The following CCDC171 variants were observed in gnomAD, a reference collection of about 807,000 sequenced individuals.
CCDC171 encodes the protein coiled-coil domain-containing protein 171.
In CCDC171, 177 loss-of-function variants were observed where a neutral mutation model predicts 168.2. The observed-to-expected ratio is 1.05, with a 90% CI of 0.93 to 1.19. The LOEUF is 1.19. Among genes scored for constraint, CCDC171 ranks in the 50% most tolerant of loss-of-function variants. CCDC171 has a pLI of 0.00. For missense variants in CCDC171, 1,991 were observed against 1,539.0 expected, an observed-to-expected ratio of 1.29 and a Z score of -4.91; for synonymous variants, 687 against 540.8, an observed-to-expected ratio of 1.27 and a Z score of -3.75.
intron 9 of CCDC171, among the ~76,000 whole-genome samples, chr9:15,670,146 T>A (rs188737507): frequency 1.3e-5 from 2 of 152,158 alleles, no homozygotes; most frequent in Admixed American, 6.6e-5. Flanking sequence ...TCCTTCTTGG[T>A]TGGGAGTTTA....
intron 23 of CCDC171, among the ~76,000 whole-genome samples, chr9:15,863,312 T>C (rs376808591): frequency 6.6e-6 from 1 of 152,028 alleles, no homozygotes; most frequent in African/African-American, 2.4e-5. Context: ...TGATTTCTTG[T>C]TGCCCAGGTT....
chr9:15,565,896 T>C (rs918815381), intron 2 of CCDC171, among the ~76,000 whole-genome samples: 4 of 152,244 alleles, frequency 2.6e-5, no homozygotes, highest in Non-Finnish European at 5.9e-5. Flanking sequence ...CTGTATCATA[T>C]AGTAAATTTA....
At chr9:15,787,340 A>T (rs904055961) in intron 21 of CCDC171, among the ~76,000 whole-genome samples, 1 of 152,128 alleles carries the variant, frequency 6.6e-6, no homozygotes, top group Non-Finnish European at 1.5e-5. Context: ...TGTCTAGCTG[A>T]AACTTTGTAC....
At chr9:15,612,323 T>C (rs901055860) in intron 6 of CCDC171, among the ~76,000 whole-genome samples, 1 of 152,170 alleles carries the variant, frequency 6.6e-6, no homozygotes, top group Admixed American at 6.5e-5. Context: ...CACTTGTCAG[T>C]TTGCTTTCTG....
chr9:15,717,493 C>T (rs759443228), intron 11 of CCDC171, among the ~76,000 whole-genome samples: 3 of 152,164 alleles, frequency 2.0e-5, no homozygotes, highest in African/African-American at 4.8e-5. Flanking sequence ...CCTAGTGAGA[C>T]ACCAGCGGGG....
chr9:15,988,806 C>G (rs192094414), intron 3 of CCDC171, among the ~76,000 whole-genome samples: 1 of 152,310 alleles, frequency 6.6e-6, no homozygotes, highest in Non-Finnish European at 1.5e-5. Context: ...CGGAGGGTCC[C>G]AAGCCCATGG....
chr9:15,578,333 C>T, intron 3 of CCDC171, among the ~76,000 whole-genome samples: 1 of 150,272 alleles, frequency 6.7e-6, no homozygotes. Context: ...CTCCCAGGCT[C>T]AAGCAATCCT....
intron 24 of CCDC171, 53 bp from the exon 25 acceptor site, chr9:15,920,217 C>G (rs1825129683): frequency 8.7e-7 from 1 of 1,154,392 alleles, no homozygotes; most frequent in Admixed American, 2.8e-5. Flanking sequence ...GGAAATTCTC[C>G]TTTGGGGACA....
At chr9:15,764,445 T>C (rs1158331506) in intron 18 of CCDC171, among the ~76,000 whole-genome samples, 2 of 152,152 alleles carry the variant, frequency 1.3e-5, no homozygotes, top group Non-Finnish European at 1.5e-5. Flanking sequence ...TGGAAATATT[T>C]TGAAGATAGA....
At chr9:15,626,403 G>T (rs1309769558) in intron 7 of CCDC171, among the ~76,000 whole-genome samples, 1 of 152,122 alleles carries the variant, frequency 6.6e-6, no homozygotes, top group Admixed American at 6.6e-5. Context: ...GTTTTCAAAG[G>T]GAATGCTTCC....
At chr9:15,584,996 C>T (rs563019148) in intron 4 of CCDC171, among the ~76,000 whole-genome samples, 11 of 152,120 alleles carry the variant, frequency 7.2e-5, no homozygotes, top group African/African-American at 1.7e-4. Flanking sequence ...AGGAAAAATG[C>T]GTAACCTCAC....
chr9:15,975,925 A>G (rs1831607101), downstream of CCDC171, among the ~76,000 whole-genome samples: 1 of 152,138 alleles, frequency 6.6e-6, no homozygotes, highest in African/African-American at 2.4e-5. Flanking sequence ...TGTGCTCTAA[A>G]TGCAATAGGA....
At chr9:16,065,791 C>A (rs1833983702), downstream of CCDC171, among the ~76,000 whole-genome samples, 1 of 144,834 alleles carries the variant, frequency 6.9e-6, no homozygotes, top group African/African-American at 2.7e-5. Context: ...CAGCACCCAC[C>A]TATGGGTTTG....
At chr9:16,068,502 G>A in the CCDC171 span, among the ~76,000 whole-genome samples, 4 of 152,134 alleles carry the variant, frequency 2.6e-5, no homozygotes, top group Admixed American at 6.5e-5. Flanking sequence ...TCAGTATACT[G>A]TGATGGCTAA....
chr9:15,889,413 T>G (rs9406556), intron 24 of CCDC171, among the ~76,000 whole-genome samples: 14,679 of 152,202 alleles, frequency 0.096, 926 homozygotes, highest in Non-Finnish European at 0.14. Flanking sequence ...TTTTTGCTTA[T>G]AGAGAAGCAC....
At chr9:15,735,705 G>C (rs939158291) in intron 16 of CCDC171, among the ~76,000 whole-genome samples, 2 of 152,134 alleles carry the variant, frequency 1.3e-5, no homozygotes, top group Non-Finnish European at 2.9e-5. Context: ...AGAATATTCA[G>C]AGATAAAGTG....
intron 2 of CCDC171, among the ~76,000 whole-genome samples, chr9:15,566,118 C>G (rs374397987): frequency 1.3e-5 from 2 of 151,418 alleles, no homozygotes; most frequent in East Asian, 3.9e-4. Context: ...TGTTGAACAT[C>G]TTTGCATGTG....
chr9:15,589,040 C>A (rs2041800617), intron 4 of CCDC171, among the ~76,000 whole-genome samples: 1 of 151,948 alleles, frequency 6.6e-6, no homozygotes, highest in African/African-American at 2.4e-5. Flanking sequence ...TGTTGTTGCC[C>A]CACAGAAAAC....
At chr9:15,692,387 C>G (rs1295377966) in intron 10 of CCDC171, among the ~76,000 whole-genome samples, 1 of 151,250 alleles carries the variant, frequency 6.6e-6, no homozygotes, top group Non-Finnish European at 1.5e-5. Context: ...AAAGACAAGT[C>G]ATTTTTTGTT....
Sources: gnomAD v4.1 joint callset for allele counts (sites outside exome capture counted in the v4.1 genomes callset) on GRCh38, gnomAD v4.1.1 for gene constraint, MANE v1.5 for transcripts, NCBI Gene and HGNC (gene_info 2026-07-23, HGNC 2026-07-21) for gene names.